The following GLIS3 variants were observed in gnomAD, a reference collection of about 807,000 sequenced individuals.
GLIS3 encodes zinc finger protein GLIS3.
Under a neutral mutation model 78.6 loss-of-function variants are expected in GLIS3, and 53 were observed. The ratio of observed to expected loss-of-function variants is 0.67; its 90% CI spans 0.54 to 0.85. GLIS3 has a LOEUF of 0.85. GLIS3 is among the 40% of genes least tolerant of loss of function. The pLI, the probability that GLIS3 is intolerant of heterozygous loss-of-function variation, is 0.00. For synonymous variants in GLIS3, 684 were observed against 509.9 expected (o/e 1.34, Z -4.60); for missense variants, 1,703 against 1,231.1 (o/e 1.38, Z -5.74).
At chr9:4,144,905 G>C (rs1476693562) in intron 2 of GLIS3, 2 of 152,178 alleles carry the variant, frequency 1.3e-5, no homozygotes, top group Non-Finnish European at 2.9e-5. Context: ...TTATTTACAA[G>C]AGTTACTTGT....
At chr9:4,032,562 T>A (rs1823931520) in intron 4 of GLIS3, among the ~76,000 whole-genome samples, 2 of 152,200 alleles carry the variant, frequency 1.3e-5, no homozygotes, top group African/African-American at 4.8e-5. Flanking sequence ...GGCGTAGAGC[T>A]ATATATCATG....
chr9:3,853,992 GAGCTATGTCC>G (rs1819599090), intron 9 of GLIS3, among the ~76,000 whole-genome samples: 1 of 152,198 alleles, frequency 6.6e-6, no homozygotes, highest in African/African-American at 2.4e-5. Context: ...ATGCCACTGT[GAGCTATGTCC>G]AGATTTCAGC....
intron 8 of GLIS3, among the ~76,000 whole-genome samples, chr9:3,871,787 A>G (rs1820985052): frequency 6.6e-6 from 1 of 152,220 alleles, no homozygotes; most frequent in Non-Finnish European, 1.5e-5. Context: ...TCTGAGATGC[A>G]CTGGAGACAT....
At chr9:4,219,557 C>A (rs148533107) in intron 2 of GLIS3, among the ~76,000 whole-genome samples, 1 of 152,152 alleles carries the variant, frequency 6.6e-6, no homozygotes, top group African/African-American at 2.4e-5. Context: ...CAATCTCAAA[C>A]GATCATTCAA....
At chr9:4,302,891 G>C (rs1050980391), upstream of GLIS3, among the ~76,000 whole-genome samples, 3 of 152,098 alleles carry the variant, frequency 2.0e-5, no homozygotes, top group Non-Finnish European at 4.4e-5. Context: ...TGTTTGAGCT[G>C]GACTTCAAAG....
intron 4 of GLIS3, among the ~76,000 whole-genome samples, chr9:4,068,882 C>T (rs527435722): frequency 6.6e-6 from 1 of 151,244 alleles, no homozygotes; most frequent in Non-Finnish European, 1.5e-5. Context: ...CAATTTCTTG[C>T]AATGCACACT....
chr9:4,467,469 C>G, the GLIS3 span, among the ~76,000 whole-genome samples: 1 of 152,200 alleles, frequency 6.6e-6, no homozygotes, highest in East Asian at 1.9e-4. Flanking sequence ...ATTTGCCATT[C>G]TGCAATATTT....
intron 9 of GLIS3, among the ~76,000 whole-genome samples, chr9:3,850,012 C>T (rs1819323576): frequency 6.6e-6 from 1 of 152,142 alleles, no homozygotes; most frequent in South Asian, 2.1e-4. Flanking sequence ...AAATCTTGTC[C>T]TCTGCACAAA....
chr9:4,334,791 G>T (rs28558845), intron 2 of GLIS3, among the ~76,000 whole-genome samples: 3 of 152,126 alleles, frequency 2.0e-5, no homozygotes, highest in South Asian at 2.1e-4. Flanking sequence ...GCTTGTCCAA[G>T]GCCATTTTGT....
chr9:4,091,605 G>C (rs60085128), intron 4 of GLIS3, among the ~76,000 whole-genome samples: 3 of 152,248 alleles, frequency 2.0e-5, no homozygotes, highest in East Asian at 1.9e-4. Context: ...TATGTTCTGA[G>C]AAATGTGTTA....
intron 2 of GLIS3, among the ~76,000 whole-genome samples, chr9:4,324,568 T>C (rs543358419): frequency 2.8e-4 from 43 of 152,318 alleles, no homozygotes; most frequent in Non-Finnish European, 5.4e-4. Flanking sequence ...GATTTCAAAC[T>C]CTTTCTCTTC....
the GLIS3 span, among the ~76,000 whole-genome samples, chr9:4,368,338 G>GTTTTT: frequency 2.2e-5 from 3 of 135,168 alleles, no homozygotes; most frequent in African/African-American, 8.2e-5. Context: ...CAAGAACCCT[G>GTTTTT]TTTTTTTTTT....
intron 6 of GLIS3, among the ~76,000 whole-genome samples, chr9:3,927,429 TACTTA>T (rs1825330253): frequency 6.6e-6 from 1 of 152,210 alleles, no homozygotes; most frequent in Non-Finnish European, 1.5e-5. Flanking sequence ...CCTTGGGTAG[TACTTA>T]ACTTAGTGTG....
the GLIS3 span, among the ~76,000 whole-genome samples, chr9:4,384,831 T>A: frequency 6.6e-6 from 1 of 152,094 alleles, no homozygotes. Flanking sequence ...CGTGTACACA[T>A]CCAAAACATA....
At chr9:3,829,263 C>G in intron 10 of GLIS3, 47 bp downstream of exon 10, 1 of 1,556,920 alleles carries the variant, frequency 6.4e-7, no homozygotes, top group East Asian at 2.2e-5. Flanking sequence ...CACCTGGTCT[C>G]TCCTGTCAGT....
At chr9:4,072,363 A>C (rs1259429921) in intron 4 of GLIS3, among the ~76,000 whole-genome samples, 2 of 152,244 alleles carry the variant, frequency 1.3e-5, no homozygotes, top group African/African-American at 4.8e-5. Flanking sequence ...TTAAGCCCTT[A>C]GTTGACAAGT....
In GLIS3 at chr9:4,118,096, G is replaced by A; in HGVS notation, c.1382C>T (p.Pro461Leu). Residue 461 changes from proline to leucine, a missense_variant, in exon 4 of 11, where the codon CCT becomes CTT. Physicochemically the swap from Pro to Leu is moderately conservative, Grantham distance 98. Transcript: ENST00000381971. The surrounding 1 kb of genome is among the most constrained non-coding windows in gnomAD (Gnocchi z 4.7). ...GTGAAGGTGCGCATGGGCATGGTAAGGGGGTGGGGGGCCTGGGGGCGGCGG... is the reference window on the plus strand; with the variant it reads ...GTGAAGGTGCGCATGGGCATGGTAAAGGGGTGGGGGGCCTGGGGGCGGCGG... ...PLPPPPGPPP[P>L]YHAHAHLHHP... 1.9e-6 allele frequency: 3 copies of A among 1,558,020 alleles called. No individual in the cohort carries two copies. The highest frequency in any genetic ancestry group is 2.6e-6 in the Non-Finnish European group (3 of 1,150,728).
chr9:4,244,216 C>G (rs1420814961), intron 2 of GLIS3, among the ~76,000 whole-genome samples: 2 of 152,202 alleles, frequency 1.3e-5, no homozygotes, highest in African/African-American at 4.8e-5. Flanking sequence ...ATCAACTCAC[C>G]AGAATAGCTC....
At chr9:4,469,290 T>C in the GLIS3 span, among the ~76,000 whole-genome samples, 180 of 152,282 alleles carry the variant, frequency 1.2e-3, no homozygotes, top group Non-Finnish European at 1.8e-3. Context: ...GCAGACCTAA[T>C]AGACATCTAC....
Sources: gnomAD v4.1 joint callset for allele counts (sites outside exome capture counted in the v4.1 genomes callset) on GRCh38, gnomAD v4.1.1 for gene constraint, Gnocchi (gnomAD v3.1) non-coding constraint, MANE v1.5 for transcripts, NCBI Gene and HGNC (gene_info 2026-07-23, HGNC 2026-07-21) for gene names.